DOK6: variants seen among roughly 807,000 people sequenced by gnomAD.
DOK6 encodes the protein docking protein 6.
A neutral mutation model predicts 44.0 loss-of-function variants in DOK6; 22 were observed. The ratio of observed to expected loss-of-function variants is 0.50; its 90% CI spans 0.36 to 0.71. The LOEUF is 0.71. Among genes scored for constraint, DOK6 ranks in the 30% least tolerant of loss-of-function variants. DOK6 has a pLI of 0.00. For missense variants in DOK6, 340 were observed against 416.4 expected, an observed-to-expected ratio of 0.82 and a Z score of 1.60; for synonymous variants, 166 against 145.5, an observed-to-expected ratio of 1.14 and a Z score of -1.01.
chr18:69,630,830 T>A (rs765384691), intron 3 of DOK6, among the ~76,000 whole-genome samples: 1 of 152,228 alleles, frequency 6.6e-6, no homozygotes. Context: ...CTTCTGGTAT[T>A]GCTGAACATT....
chr18:69,454,671 A>AC (rs1979570829), intron 1 of DOK6, among the ~76,000 whole-genome samples: 1 of 123,602 alleles, frequency 8.1e-6, no homozygotes, highest in African/African-American at 2.8e-5. Context: ...AATGTCCAAC[A>AC]ATTATAGACT....
At chr18:69,559,225 A>G (rs1051388395) in intron 1 of DOK6, among the ~76,000 whole-genome samples, 2 of 152,166 alleles carry the variant, frequency 1.3e-5, no homozygotes, top group Non-Finnish European at 2.9e-5. Context: ...ACTCTTTAAT[A>G]GAAAATAACT....
At chr18:69,550,360 C>A (rs1039036900) in intron 1 of DOK6, among the ~76,000 whole-genome samples, 7 of 151,858 alleles carry the variant, frequency 4.6e-5, no homozygotes, top group Non-Finnish European at 1.0e-4. Context: ...GATAAAAGCA[C>A]CCATGGGAAA....
At chr18:69,401,337 T>C in intron 1 of DOK6, 27 bp downstream of exon 1, 1 of 1,477,914 alleles carries the variant, frequency 6.8e-7, no homozygotes, top group East Asian at 2.9e-5. Context: ...GCTTGCTCCT[T>C]CCCCGGCGCT....
rs181734910 is a variant in DOK6, at chr18:69,512,431, C to G, written c.67-52056C>G. On this transcript the variant is annotated intron_variant, in intron 1 of 7. Coordinates refer to ENST00000382713, the MANE Select transcript of DOK6 (RefSeq NM_152721.6). ...CAATCTTGGCTCACTGCAGCCTCCC[C>G]CTTCCGGGTTCATGCAATTCTCCTA... 6.0e-5 allele frequency among the ~76,000 whole-genome samples: 9 copies of G among 151,138 alleles called. No homozygotes were observed. In the East Asian group the frequency reaches 1.4e-3, roughly 23 times the overall value.
intron 1 of DOK6, among the ~76,000 whole-genome samples, chr18:69,454,779 AATC>A (rs1156695056): frequency 6.9e-6 from 1 of 145,220 alleles, no homozygotes; most frequent in East Asian, 2.1e-4. Flanking sequence ...TGAAATTGGA[AATC>A]ATCATTCTCA....
intron 5 of DOK6, among the ~76,000 whole-genome samples, chr18:69,717,863 T>C (rs1211480707): frequency 2.6e-5 from 4 of 152,188 alleles, no homozygotes; most frequent in Non-Finnish European, 5.9e-5. Context: ...GGGAAGTTAT[T>C]TACTATCTCT....
intron 3 of DOK6, among the ~76,000 whole-genome samples, chr18:69,614,612 T>A (rs1984241570): frequency 6.6e-6 from 1 of 151,504 alleles, no homozygotes; most frequent in Non-Finnish European, 1.5e-5. Context: ...AGCAAATAGA[T>A]GCTATCACAA....
chr18:69,754,660 C>G (rs1979297935), intron 6 of DOK6, among the ~76,000 whole-genome samples: 1 of 152,180 alleles, frequency 6.6e-6, no homozygotes, highest in Non-Finnish European at 1.5e-5. Flanking sequence ...GGCCTCTCTT[C>G]TTGACTTTTA....
chr18:69,692,704 G>A lies in DOK6; in HGVS notation c.410-5700G>A, dbSNP rs1487006235. On this transcript the variant is annotated intron_variant, in intron 4 of 7. Transcript: ENST00000382713. Reference sequence around the variant, plus strand: ...GCTCAGATAGGCCCAGGCCATCCAAGTTTTGCCTGTGACTCTAGTTATGTA... The same window carrying A: ...GCTCAGATAGGCCCAGGCCATCCAAATTTTGCCTGTGACTCTAGTTATGTA... Among the ~76,000 whole-genome samples the A allele has an allele frequency of 5.9e-5, 9 of 152,276 alleles. No homozygotes were observed. The East Asian group carries it at 1.7e-3, about 29-fold the overall frequency.
At chr18:69,661,654 T>A (rs2144672421) in intron 3 of DOK6, 1 of 152,334 alleles carries the variant, frequency 6.6e-6, no homozygotes, top group Admixed American at 6.5e-5. Context: ...TACCAGATAA[T>A]ATAAAAATGC....
chr18:69,583,525 T>TA (rs1279810266), intron 2 of DOK6, among the ~76,000 whole-genome samples: 1 of 152,192 alleles, frequency 6.6e-6, no homozygotes, highest in Admixed American at 6.5e-5. Context: ...AGTCCTGCAT[T>TA]AAACAGAAAT....
chr18:69,508,807 G>A (rs1377714933), intron 1 of DOK6, among the ~76,000 whole-genome samples: 1 of 152,182 alleles, frequency 6.6e-6, no homozygotes, highest in Non-Finnish European at 1.5e-5. Context: ...CTGCAAACTG[G>A]AAGATCCAGA....
intron 1 of DOK6, among the ~76,000 whole-genome samples, chr18:69,495,026 C>T (rs1253993339): frequency 6.6e-6 from 1 of 152,208 alleles, no homozygotes; most frequent in Non-Finnish European, 1.5e-5. Context: ...GCATTGGGTC[C>T]AGCAACTGCA....
chr18:69,834,992 G>GC (rs978456503), intron 7 of DOK6, among the ~76,000 whole-genome samples: 28 of 152,264 alleles, frequency 1.8e-4, no homozygotes, highest in African/African-American at 6.7e-4. Context: ...ACAGGACCTT[G>GC]CCAAACACTT....
At position 69,848,229 on chromosome 18, in the gene DOK6, TTATA is replaced by T. The variant is rs1217864300; in HGVS notation, c.*6851_*6854del. The T allele has an allele frequency of 2.0e-5, 3 of 152,208 alleles. No individual in the cohort carries two copies. Among genetic ancestry groups the T allele is most frequent in the African/African-American group, 7.2e-5 (3 of 41,446 alleles). The allele number at this position is 152,208 out of a possible 1,614,324, so 9.4% of individuals were successfully genotyped here. ...TTTTGTAAATCTTTATTTAATTAAT[TTATA>T]TATACTTTGTGAAGTCTTATACTGT... is the stretch of plus-strand genomic sequence containing the variant. On this transcript the variant is annotated 3_prime_UTR_variant, in exon 8 of 8. Transcript: ENST00000382713.
At chr18:69,711,266 A>T (rs1986750496) in intron 5 of DOK6, among the ~76,000 whole-genome samples, 1 of 152,200 alleles carries the variant, frequency 6.6e-6, no homozygotes, top group Non-Finnish European at 1.5e-5. Context: ...ATTAGTAGGC[A>T]ATTAGCACCT....
rs115370538 is a variant in DOK6 at position 69,607,384 on chromosome 18, A to T, written c.289+7886A>T. ...ACTTTAAGTTTAAAAATTAACAAAA[A>T]GCTACAGCAATATACCATAGCAGGA... is the stretch of plus-strand genomic sequence containing the variant. On this transcript the variant is annotated intron_variant, in intron 3 of 7. Transcript: ENST00000382713. Among the ~76,000 whole-genome samples the T allele has an allele frequency of 3.1e-3, 477 of 152,354 alleles. 5 individuals are homozygous for T. Among genetic ancestry groups the T allele is most frequent in the African/African-American group, 0.011 (444 of 41,584 alleles).
chr18:69,788,693 C>A (rs1318215366), intron 7 of DOK6, among the ~76,000 whole-genome samples: 1 of 152,126 alleles, frequency 6.6e-6, no homozygotes, highest in Non-Finnish European at 1.5e-5. Context: ...AAATTGTAAT[C>A]ATAATGCCTC....
Sources: allele counts gnomAD v4.1 joint callset (sites outside exome capture counted in the v4.1 genomes callset), GRCh38; gene constraint gnomAD v4.1.1; transcripts MANE v1.5; gene names NCBI Gene and HGNC (gene_info 2026-07-23, HGNC 2026-07-21).